The following ZNF609 variants were observed in gnomAD, a reference collection of about 807,000 sequenced individuals.
The protein encoded by ZNF609 is zinc finger protein 609.
In ZNF609, 11 loss-of-function variants were observed where a neutral mutation model predicts 109.5. That is an observed-to-expected ratio of 0.10 (90% CI 0.06 to 0.17). The LOEUF is 0.17. ZNF609 is among the 10% of genes least tolerant of loss of function. The pLI is 1.00. For synonymous variants in ZNF609, 646 were observed against 662.0 expected (o/e 0.98, Z 0.37); for missense variants, 1,559 against 1,772.4 (o/e 0.88, Z 2.16).
intron 2 of ZNF609, among the ~76,000 whole-genome samples, chr15:64,607,929 C>T (rs1463566278): frequency 3.5e-5 from 4 of 115,828 alleles, no homozygotes; most frequent in African/African-American, 7.1e-5. Flanking sequence ...GACAGAGTCT[C>T]ACTCTGTTGC....
At chr15:64,594,125 C>T (rs1895349045) in intron 2 of ZNF609, among the ~76,000 whole-genome samples, 1 of 152,178 alleles carries the variant, frequency 6.6e-6, no homozygotes, top group African/African-American at 2.4e-5. Context: ...TAGGTTGATA[C>T]TGAACCCACT....
At position 64,675,851 on chromosome 15, in the gene ZNF609, G is replaced by A. The variant is rs761009868; in HGVS notation, c.2997G>A (p.Thr999=). The A allele has an allele frequency of 1.1e-5, 17 of 1,614,036 alleles. No individual in the cohort carries two copies. The highest frequency in any genetic ancestry group is 6.7e-5 in the African/African-American group (5 of 74,914). ...SYHTHLLSTN[T]AYRQQYEEQQ... ...ACACCCACCTTCTGAGCACTAACAC[G>A]GCTTACCGGCAGCAGTACGAAGAAC... Residue 999 remains threonine (T), a synonymous_variant, in exon 5 of 10, where the codon ACG becomes ACA. Coordinates refer to ENST00000326648, the MANE Select transcript of ZNF609 (RefSeq NM_015042.2).
intron 3 of ZNF609, among the ~76,000 whole-genome samples, chr15:64,641,018 C>G (rs943345900): frequency 2.0e-5 from 3 of 152,102 alleles, no homozygotes; most frequent in African/African-American, 7.2e-5. Context: ...CCACTTTGGC[C>G]TTCTCTATCC....
At chr15:64,538,574 T>G (rs1429594218) in intron 2 of ZNF609, among the ~76,000 whole-genome samples, 5 of 152,182 alleles carry the variant, frequency 3.3e-5, no homozygotes, top group African/African-American at 1.2e-4. Flanking sequence ...GAGAGAGAGT[T>G]TCACTCTTGT....
At chr15:64,511,380 T>C (rs1301625144) in intron 2 of ZNF609, among the ~76,000 whole-genome samples, 1 of 150,622 alleles carries the variant, frequency 6.6e-6, no homozygotes, top group African/African-American at 2.4e-5. Flanking sequence ...ACTTGGGAGG[T>C]TGAGGCAGGA....
At position 64,499,542 on chromosome 15, in the gene ZNF609, T is replaced by C; in HGVS notation, c.123T>C (p.Asp41=). 1 of 1,614,056 alleles carries C rather than the reference T, an allele frequency of 6.2e-7. No individual in the cohort carries two copies. The highest frequency in any genetic ancestry group is 8.5e-7 in the Non-Finnish European group (1 of 1,180,018). The part of the protein sequence containing the change: ...VGNLIIDLDA[D]LEKDQQKLEM... Reference sequence around the variant, plus strand: ...ATCTCATCATTGACCTGGACGCCGATCTGGAAAAGGACCAGCAGAAACTGG... The same window carrying C: ...ATCTCATCATTGACCTGGACGCCGACCTGGAAAAGGACCAGCAGAAACTGG... Residue 41 remains aspartate, a synonymous_variant, in exon 2 of 10, where the codon GAT becomes GAC. Coordinates refer to ENST00000326648, the MANE Select transcript of ZNF609 (RefSeq NM_015042.2).
At chr15:64,608,950 A>C (rs1042114131) in intron 2 of ZNF609, among the ~76,000 whole-genome samples, 4 of 151,996 alleles carry the variant, frequency 2.6e-5, no homozygotes, top group African/African-American at 9.7e-5. Context: ...TTGCCCCTGC[A>C]GATCTGGAAA....
rs375948927 is a variant in ZNF609 at position 64,499,984 on chromosome 15, G to C, written c.565G>C (p.Val189Leu). The change falls in exon 2 of 10, where the codon GTT becomes CTT. Residue 189 changes from valine to leucine, a missense_variant. Coordinates refer to ENST00000326648, the MANE Select transcript of ZNF609 (RefSeq NM_015042.2). ...SEKDPGVLQP[V>L]PLGGRGGQYD... ...AAAGGATCCTGGGGTCCTCCAGCCAGTTCCCTTGGGAGGACGGGGTGGTCA... is the reference window on the plus strand; with the variant it reads ...AAAGGATCCTGGGGTCCTCCAGCCACTTCCCTTGGGAGGACGGGGTGGTCA... 5 of 1,614,192 alleles carry C rather than the reference G, an allele frequency of 3.1e-6. No individual in the cohort carries two copies. The highest frequency in any genetic ancestry group is 4.2e-6 in the Non-Finnish European group (5 of 1,180,040).
intron 2 of ZNF609, chr15:64,500,421 A>G (rs573693929): frequency 2.8e-6 from 2 of 707,188 alleles, no homozygotes; most frequent in South Asian, 3.0e-5. Context: ...TGTAGAATGA[A>G]CTTTCTGTAG....
intron 2 of ZNF609, among the ~76,000 whole-genome samples, chr15:64,574,441 T>C (rs1269879790): frequency 6.6e-6 from 1 of 152,174 alleles, no homozygotes; most frequent in African/African-American, 2.4e-5. Context: ...ATGCAAAGCA[T>C]AGAATCTGCC....
intron 3 of ZNF609, among the ~76,000 whole-genome samples, chr15:64,633,883 GA>G (rs148370455): frequency 2.0e-5 from 3 of 146,478 alleles, no homozygotes; most frequent in African/African-American, 5.0e-5. Context: ...TCCATCTCAG[GA>G]AAAAAAAAAT....
chr15:64,672,233 C>T (rs1166161722), intron 4 of ZNF609, among the ~76,000 whole-genome samples: 2 of 149,520 alleles, frequency 1.3e-5, no homozygotes, highest in African/African-American at 4.9e-5. Context: ...AGGATGGTCT[C>T]GATCTCCTGA....
At chr15:64,468,894 A>G (rs1056093353) in intron 1 of ZNF609, among the ~76,000 whole-genome samples, 7 of 151,986 alleles carry the variant, frequency 4.6e-5, no homozygotes, top group Non-Finnish European at 8.8e-5. Flanking sequence ...CTGCGGTTCC[A>G]TTTAGCTGTA....
chr15:64,666,414 A>C (rs1451116253), intron 3 of ZNF609, among the ~76,000 whole-genome samples: 2 of 152,236 alleles, frequency 1.3e-5, no homozygotes, highest in African/African-American at 4.8e-5. Context: ...AATTAAATAA[A>C]AATAAAAGTG....
rs374402199 is a variant in ZNF609 at position 64,649,388 on chromosome 15, ACTCTCACACTCT to A, written c.974-20948_974-20937del. On this transcript the variant is annotated intron_variant, in intron 3 of 9. Transcript: ENST00000326648. The stretch of plus-strand genomic sequence containing the variant: ...AACTCTGTCTCACACATACACACAC[ACTCTCACACTCT>A]CTCTCACACACACATGCACACACCC... Among the ~76,000 whole-genome samples the A allele has an allele frequency of 4.6e-3, 700 of 151,896 alleles. 4 individuals are homozygous for A. The highest frequency in any genetic ancestry group is 0.016 in the African/African-American group (672 of 41,428).
chr15:64,618,965 G>T (rs953831240), intron 2 of ZNF609, among the ~76,000 whole-genome samples: 1 of 152,110 alleles, frequency 6.6e-6, no homozygotes, highest in Non-Finnish European at 1.5e-5. Flanking sequence ...ACCTAGGTCC[G>T]TGGACACAGG....
At chr15:64,594,188 C>T (rs147003375) in intron 2 of ZNF609, among the ~76,000 whole-genome samples, 1,697 of 152,262 alleles carry the variant, frequency 0.011, 10 homozygotes, top group Middle Eastern at 0.027. Flanking sequence ...ACTAGGAACA[C>T]GTGGAGTGGG....
chr15:64,561,894 G>A (rs1211640930), intron 2 of ZNF609, among the ~76,000 whole-genome samples: 7 of 152,048 alleles, frequency 4.6e-5, no homozygotes, highest in South Asian at 2.1e-4. Flanking sequence ...TTTTCAAAGC[G>A]GGCTTAGTAC....
intron 2 of ZNF609, among the ~76,000 whole-genome samples, chr15:64,597,704 A>G (rs761891953): frequency 1.1e-4 from 16 of 152,140 alleles, no homozygotes; most frequent in Non-Finnish European, 2.2e-4. Flanking sequence ...TTGGTTCTAG[A>G]CAACCAGAAT....
Sources: gnomAD v4.1 joint callset for allele counts (sites outside exome capture counted in the v4.1 genomes callset) on GRCh38, gnomAD v4.1.1 for gene constraint, MANE v1.5 for transcripts, NCBI Gene and HGNC (gene_info 2026-07-23, HGNC 2026-07-21) for gene names.